CSMD1: variants seen among roughly 807,000 people sequenced by gnomAD.
CSMD1 encodes the protein CUB and Sushi multiple domains 1.
A neutral mutation model predicts 417.5 loss-of-function variants in CSMD1; 213 were observed. The ratio of observed to expected loss-of-function variants is 0.51; its 90% CI spans 0.46 to 0.57. CSMD1 has a LOEUF of 0.57. CSMD1 is among the 20% of genes least tolerant of loss of function. The pLI is 0.00. For synonymous variants in CSMD1, 2,862 were observed against 1,736.8 expected, an observed-to-expected ratio of 1.65 and a Z score of -16.11; for missense variants, 6,923 against 4,529.7, an observed-to-expected ratio of 1.53 and a Z score of -15.17.
At chr8:4,978,729 G>C (rs1455071498) in intron 1 of CSMD1, among the ~76,000 whole-genome samples, 11 of 152,232 alleles carry the variant, frequency 7.2e-5, no homozygotes, top group African/African-American at 2.4e-4. Flanking sequence ...CTTGAGGTCA[G>C]TAGTTCGAGA....
intron 4 of CSMD1, among the ~76,000 whole-genome samples, chr8:4,007,143 T>A (rs929931958): frequency 1.3e-5 from 2 of 152,104 alleles, no homozygotes; most frequent in Admixed American, 6.6e-5. Flanking sequence ...TGGCCACGAC[T>A]TTTACTATTT....
At chr8:4,823,397 C>G (rs541271608) in intron 1 of CSMD1, among the ~76,000 whole-genome samples, 1 of 152,076 alleles carries the variant, frequency 6.6e-6, no homozygotes, top group South Asian at 2.1e-4. Context: ...CAAAGTAGTT[C>G]ATTAACTTTT....
At chr8:4,772,481 C>T (rs138878158) in intron 1 of CSMD1, among the ~76,000 whole-genome samples, 4 of 152,188 alleles carry the variant, frequency 2.6e-5, no homozygotes, top group African/African-American at 9.6e-5. Context: ...GGTCATGGAG[C>T]AAAACATAAT....
chr8:3,880,396 C>T (rs1265165330), intron 5 of CSMD1, among the ~76,000 whole-genome samples: 2 of 152,118 alleles, frequency 1.3e-5, no homozygotes, highest in East Asian at 1.9e-4. Context: ...AATGAACTGC[C>T]TCATGACCAA....
chr8:4,768,500 G>C (rs752737786), intron 1 of CSMD1, among the ~76,000 whole-genome samples: 3 of 152,204 alleles, frequency 2.0e-5, no homozygotes, highest in Non-Finnish European at 2.9e-5. Flanking sequence ...TAGCTCCTTA[G>C]CTGAGTTATT....
At position 4,979,667 on chromosome 8, in the gene CSMD1, G is replaced by A. The variant is rs574979643; in HGVS notation, c.85+14665C>T. ...TCCTCACAAAATATGTTGGTGTGGT[G>A]AAAATGTGTTTAGTTCTTCAGAATT... On this transcript the variant is annotated intron_variant, in intron 1 of 69. Coordinates refer to ENST00000635120, the MANE Select transcript of CSMD1 (RefSeq NM_033225.6). Among the ~76,000 whole-genome samples the A allele has an allele frequency of 3.5e-3, 539 of 152,324 alleles. 1 individual carries two copies. Among genetic ancestry groups the A allele is most frequent in the Non-Finnish European group, 5.7e-3 (387 of 68,034 alleles).
At chr8:3,817,182 C>G (rs1801421435) in intron 5 of CSMD1, among the ~76,000 whole-genome samples, 1 of 150,616 alleles carries the variant, frequency 6.6e-6, no homozygotes, top group South Asian at 2.1e-4. Context: ...CCTCCCCCTC[C>G]CCAATGAAAA....
At chr8:3,200,048 T>C (rs535068222) in intron 32 of CSMD1, among the ~76,000 whole-genome samples, 1 of 152,272 alleles carries the variant, frequency 6.6e-6, no homozygotes, top group East Asian at 1.9e-4. Context: ...TCGCTTATGA[T>C]TTCTTTTGAA....
chr8:4,212,245 A>T (rs577043678), intron 3 of CSMD1, among the ~76,000 whole-genome samples: 2 of 151,368 alleles, frequency 1.3e-5, no homozygotes, highest in African/African-American at 4.9e-5. Context: ...CTAATTTTGC[A>T]TCCTTTAACT....
intron 5 of CSMD1, among the ~76,000 whole-genome samples, chr8:3,830,555 A>T (rs1044496328): frequency 2.0e-5 from 3 of 152,188 alleles, no homozygotes; most frequent in African/African-American, 7.2e-5. Context: ...TGGCATGTAG[A>T]AACCCTCCAA....
chr8:3,575,625 C>T (rs938343243), intron 9 of CSMD1, among the ~76,000 whole-genome samples: 3 of 152,048 alleles, frequency 2.0e-5, no homozygotes, highest in Admixed American at 1.3e-4. Flanking sequence ...TTCTATTCTA[C>T]AATAAACTAT....
At chr8:4,333,832 A>T (rs749524354) in intron 3 of CSMD1, among the ~76,000 whole-genome samples, 1 of 152,080 alleles carries the variant, frequency 6.6e-6, no homozygotes, top group East Asian at 1.9e-4. Context: ...TATGCTTCTC[A>T]TTAGCTTTAT....
intron 5 of CSMD1, among the ~76,000 whole-genome samples, chr8:3,809,385 T>C (rs1213966743): frequency 2.0e-5 from 3 of 152,212 alleles, no homozygotes; most frequent in African/African-American, 7.2e-5. Flanking sequence ...CTAGGCTCTG[T>C]TTCAGAGAAT....
intron 3 of CSMD1, among the ~76,000 whole-genome samples, chr8:4,136,773 G>A (rs1307902877): frequency 2.0e-5 from 3 of 152,156 alleles, no homozygotes; most frequent in Admixed American, 2.0e-4. Context: ...CTTTTATAAT[G>A]ATTAGTTTGT....
chr8:3,716,574 G>C (rs773266964), intron 6 of CSMD1, among the ~76,000 whole-genome samples: 47 of 152,266 alleles, frequency 3.1e-4, no homozygotes, highest in African/African-American at 5.3e-4. Flanking sequence ...GGTTTCGGGA[G>C]ATTTGCGCCG....
chr8:4,311,320 T>C (rs1798552403), intron 3 of CSMD1, among the ~76,000 whole-genome samples: 1 of 152,144 alleles, frequency 6.6e-6, no homozygotes, highest in Non-Finnish European at 1.5e-5. Context: ...TATGCAGCCA[T>C]AAAAAGGAAT....
intron 3 of CSMD1, among the ~76,000 whole-genome samples, chr8:4,122,746 A>C (rs1365771559): frequency 2.0e-5 from 3 of 152,156 alleles, no homozygotes; most frequent in East Asian, 3.9e-4. Context: ...CTTTCTGTGA[A>C]AGGGGAAGAT....
Position 4,829,533 on chromosome 8 carries a change from G to T in CSMD1, c.85+164799C>A, listed in dbSNP as rs536278605. Among the ~76,000 whole-genome samples the T allele has an allele frequency of 4.6e-5, 7 of 152,166 alleles. No homozygotes were observed. The East Asian group carries it at 1.4e-3, about 30-fold the overall frequency. On this transcript the variant is annotated intron_variant, in intron 1 of 69. Transcript: ENST00000635120. ...GAGGCAGGAGGATCTCTTGAGCCCA[G>T]GAGTTCAAGAGCAGTCTGGGCAACA...
intron 7 of CSMD1, among the ~76,000 whole-genome samples, chr8:3,670,163 T>C (rs1048364551): frequency 1.3e-5 from 2 of 152,012 alleles, no homozygotes; most frequent in East Asian, 1.9e-4. Flanking sequence ...TTTGAGTCAA[T>C]GGATCAGGGA....
Sources: gnomAD v4.1 joint callset for allele counts (sites outside exome capture counted in the v4.1 genomes callset) on GRCh38, gnomAD v4.1.1 for gene constraint, MANE v1.5 for transcripts, NCBI Gene and HGNC (gene_info 2026-07-23, HGNC 2026-07-21) for gene names.